CAST: variants seen among roughly 807,000 people sequenced by gnomAD.
CAST encodes calpastatin, also known as MIR583 host.
CAST carries 76 observed loss-of-function variants against 119.6 expected under a neutral mutation model. The observed-to-expected ratio is 0.64, with a 90% CI of 0.53 to 0.77. The LOEUF is 0.77. Ranked by LOEUF, CAST falls within the 30% of genes least tolerant of loss-of-function variation. CAST has a pLI of 0.00. For synonymous variants in CAST, 319 were observed against 331.6 expected, an observed-to-expected ratio of 0.96 and a Z score of 0.41; for missense variants, 953 against 946.5, an observed-to-expected ratio of 1.01 and a Z score of -0.09.
chr5:96,101,090 T>C, the CAST span, among the ~76,000 whole-genome samples: 1 of 152,150 alleles, frequency 6.6e-6, no homozygotes, highest in Non-Finnish European at 1.5e-5. Context: ...TTTAAAATTT[T>C]TGTAGAGACA....
At chr5:96,046,294 G>GT in the CAST span, among the ~76,000 whole-genome samples, 1 of 152,064 alleles carries the variant, frequency 6.6e-6, no homozygotes, top group Admixed American at 6.6e-5. Context: ...TGGGTGACAG[G>GT]ATCTTGAATA....
At chr5:96,690,676 T>A (rs1252186083) in intron 2 of CAST, among the ~76,000 whole-genome samples, 1 of 152,264 alleles carries the variant, frequency 6.6e-6, no homozygotes, top group Non-Finnish European at 1.5e-5. Context: ...ATAAAAGCAA[T>A]TTGTACTTAT....
At chr5:96,282,196 C>T in the CAST span, among the ~76,000 whole-genome samples, 2,061 of 152,026 alleles carry the variant, frequency 0.014, 22 homozygotes, top group Non-Finnish European at 0.02. Flanking sequence ...GTGTCTAATA[C>T]CAGACAAAGG....
intron 1 of CAST, among the ~76,000 whole-genome samples, chr5:96,579,465 T>G (rs1025174665): frequency 2.0e-5 from 3 of 152,210 alleles, no homozygotes; most frequent in Non-Finnish European, 2.9e-5. Context: ...TTGCCCTTCG[T>G]GTCACCTGGT....
At chr5:96,017,739 T>C in the CAST span, among the ~76,000 whole-genome samples, 1 of 152,204 alleles carries the variant, frequency 6.6e-6, no homozygotes, top group Non-Finnish European at 1.5e-5. Context: ...ATATCAGTTA[T>C]AATTAAAATT....
the CAST span, among the ~76,000 whole-genome samples, chr5:96,494,913 C>G: frequency 9.7e-3 from 1,470 of 151,994 alleles, 22 homozygotes; most frequent in African/African-American, 0.032. Context: ...GTCAGGAGCT[C>G]GAGACCATCC....
the CAST span, among the ~76,000 whole-genome samples, chr5:96,094,328 A>G: frequency 2.6e-5 from 4 of 152,282 alleles, no homozygotes; most frequent in African/African-American, 7.2e-5. Flanking sequence ...ACTCATATAT[A>G]TGACTAAGGG....
chr5:96,459,272 G>A, the CAST span, among the ~76,000 whole-genome samples: 5 of 152,114 alleles, frequency 3.3e-5, no homozygotes, highest in Non-Finnish European at 7.4e-5. Context: ...CATGACAGAA[G>A]GCCTCCTTGT....
chr5:95,983,015 C>A, the CAST span, among the ~76,000 whole-genome samples: 1 of 152,012 alleles, frequency 6.6e-6, no homozygotes, highest in African/African-American at 2.4e-5. Flanking sequence ...CACTAAGATG[C>A]CCCAAGATGT....
intron 15 of CAST, 44 bp downstream of exon 15, chr5:96,741,624 G>T: frequency 3.0e-6 from 4 of 1,311,734 alleles, no homozygotes; most frequent in South Asian, 1.2e-5. Context: ...TCCAGAGCCT[G>T]ATCTAGCTCA....
At chr5:96,514,241 A>C in the CAST span, among the ~76,000 whole-genome samples, 1 of 152,134 alleles carries the variant, frequency 6.6e-6, no homozygotes, top group Non-Finnish European at 1.5e-5. Context: ...ATATTTTTTC[A>C]TACTGCATTA....
intron 1 of CAST, among the ~76,000 whole-genome samples, chr5:96,603,715 A>G (rs2150194604): frequency 6.6e-6 from 1 of 150,964 alleles, no homozygotes; most frequent in South Asian, 2.1e-4. Flanking sequence ...TTACACAGTC[A>G]TTATCAAGTA....
the CAST span, among the ~76,000 whole-genome samples, chr5:96,349,139 ATTTTTTTT>A: frequency 1.1e-5 from 1 of 89,636 alleles, no homozygotes; most frequent in Non-Finnish European, 2.1e-5. Context: ...CAAGGACACT[ATTTTTTTT>A]TTTTTTTTTT....
the CAST span, among the ~76,000 whole-genome samples, chr5:96,197,328 C>G: frequency 6.6e-6 from 1 of 152,190 alleles, no homozygotes; most frequent in African/African-American, 2.4e-5. Flanking sequence ...CCAACTTCTC[C>G]CCTACTCAGC....
At chr5:96,221,421 CAAAATCAATATACA>C in the CAST span, among the ~76,000 whole-genome samples, 1 of 151,944 alleles carries the variant, frequency 6.6e-6, no homozygotes, top group Non-Finnish European at 1.5e-5. Flanking sequence ...TTGCAGGATA[CAAAATCAATATACA>C]AAAATCAGTA....
the CAST span, among the ~76,000 whole-genome samples, chr5:96,032,177 C>G: frequency 6.6e-6 from 1 of 152,092 alleles, no homozygotes; most frequent in Non-Finnish European, 1.5e-5. Flanking sequence ...GCATGAATAA[C>G]AGGAGGCAGG....
chr5:96,059,909 A>T, the CAST span, among the ~76,000 whole-genome samples: 33 of 152,202 alleles, frequency 2.2e-4, no homozygotes, highest in South Asian at 5.6e-3. Context: ...ACCCTTAAAG[A>T]CCTGAAGAAT....
Position 96,741,356 on chromosome 5 carries a change from G to GA in CAST, c.1010dup (p.Glu338GlyfsTer34). On this transcript the variant is annotated frameshift_variant and splice_region_variant, in exon 14 of 32. Transcript: ENST00000675179. LOFTEE classifies it high-confidence loss of function. ...AGCTGCTGGAAAGAAAACTGAAAAA[G>GA]AGGTATTGTTTTTAGTGTTGTTAAG... The GA allele has an allele frequency of 6.2e-7, 1 of 1,601,928 alleles. No homozygotes were observed. Among genetic ancestry groups the GA allele is most frequent in the Non-Finnish European group, 8.6e-7 (1 of 1,168,966 alleles).
the CAST span, among the ~76,000 whole-genome samples, chr5:96,347,718 G>A: frequency 6.6e-6 from 1 of 152,140 alleles, no homozygotes; most frequent in Non-Finnish European, 1.5e-5. Context: ...AGTCATCCCA[G>A]CAATGGAATA....
Sources: gnomAD v4.1 joint callset for allele counts (sites outside exome capture counted in the v4.1 genomes callset) on GRCh38, gnomAD v4.1.1 for gene constraint, MANE v1.5 for transcripts, NCBI Gene and HGNC (gene_info 2026-07-23, HGNC 2026-07-21) for gene names.